The following ARHGEF10 variants were observed in gnomAD, a reference collection of about 807,000 sequenced individuals.
ARHGEF10 encodes the protein Rho guanine nucleotide exchange factor 10.
A neutral mutation model predicts 147.4 loss-of-function variants in ARHGEF10; 140 were observed. The observed-to-expected ratio is 0.95, with a 90% CI of 0.83 to 1.09. ARHGEF10 has a LOEUF of 1.09. Ranked by LOEUF, ARHGEF10 falls within the 50% of genes least tolerant of loss-of-function variation. The probability of loss-of-function intolerance (pLI) is 0.00; values close to 1 mark genes in which losing one functional copy is unlikely to be tolerated. For missense variants in ARHGEF10, 2,222 were observed against 1,752.7 expected (o/e 1.27, Z -4.78); for synonymous variants, 902 against 695.8 (o/e 1.30, Z -4.67).
intron 2 of ARHGEF10, among the ~76,000 whole-genome samples, chr8:1,854,063 ACCC>A (rs1391435081): frequency 6.6e-6 from 1 of 152,100 alleles, no homozygotes; most frequent in Non-Finnish European, 1.5e-5. Context: ...TAAACTTAGG[ACCC>A]CAAATGCTGG....
chr8:1,956,603 C>T (rs1162618704), intron 28 of ARHGEF10, 146 bp from the exon 29 acceptor site: 1 of 764,838 alleles, frequency 1.3e-6, no homozygotes. Context: ...TTCATCGTAG[C>T]TTATTATTCA....
At chr8:1,887,769 G>GTATT in intron 11 of ARHGEF10, among the ~76,000 whole-genome samples, 1 of 92,332 alleles carries the variant, frequency 1.1e-5, no homozygotes, top group Non-Finnish European at 2.4e-5. Flanking sequence ...AGTGGGGTGA[G>GTATT]GGTTGTGATG....
chr8:1,946,144 C>A (rs1206636298), intron 27 of ARHGEF10, among the ~76,000 whole-genome samples: 1 of 152,140 alleles, frequency 6.6e-6, no homozygotes, highest in Non-Finnish European at 1.5e-5. Context: ...GGCCATTACA[C>A]ATTGAGTTTT....
intron 5 of ARHGEF10, 104 bp from the exon 6 acceptor site, chr8:1,866,422 G>GAC (rs57422654): frequency 2.3e-3 from 1,803 of 782,358 alleles, no homozygotes; most frequent in Middle Eastern, 5.1e-3. Flanking sequence ...TATATATTCT[G>GAC]ACACACACAC....
chr8:1,953,843 A>C (rs983778849), intron 28 of ARHGEF10, among the ~76,000 whole-genome samples: 2 of 152,138 alleles, frequency 1.3e-5, no homozygotes, highest in Admixed American at 6.5e-5. Context: ...GCCAGGGGGA[A>C]ATACTAACAG....
intron 26 of ARHGEF10, among the ~76,000 whole-genome samples, chr8:1,940,165 GCT>G (rs1247863272): frequency 6.6e-6 from 1 of 152,150 alleles, no homozygotes; most frequent in Non-Finnish European, 1.5e-5. Flanking sequence ...AAGAAGCTTT[GCT>G]CCTCTATAGT....
chr8:1,884,398 G>GA (rs71528660), intron 10 of ARHGEF10, among the ~76,000 whole-genome samples: 45 of 137,804 alleles, frequency 3.3e-4, no homozygotes, highest in Admixed American at 4.3e-4. Flanking sequence ...TCCATCTCAA[G>GA]AAAAAAAAAA....
intron 1 of ARHGEF10, among the ~76,000 whole-genome samples, chr8:1,833,954 C>T (rs979553248): frequency 6.6e-6 from 1 of 152,124 alleles, no homozygotes; most frequent in East Asian, 1.9e-4. Context: ...AATGACCACT[C>T]CTGCTCGGGG....
rs1157425782 is a variant in ARHGEF10, at chr8:1,839,887, TGGTGTGGGGACTGTCC to T, written c.-47-3434_-47-3419del. Among the ~76,000 whole-genome samples, 68 of 126,498 alleles carry T rather than the reference TGGTGTGGGGACTGTCC, an allele frequency of 5.4e-4. No individual in the cohort carries two copies. In the East Asian group the frequency reaches 0.013, roughly 24 times the overall value. The allele number at this position is 126,498 out of a possible 152,430, so 83.0% of individuals were successfully genotyped here. A position where few individuals can be genotyped will look rare whatever the true frequency, so the allele number is the denominator to read the frequency against. On this transcript the variant is annotated intron_variant, in intron 1 of 28. Transcript: ENST00000349830. The stretch of plus-strand genomic sequence containing the variant: ...GGGACTGTCTGGTGTGGAAACTGTC[TGGTGTGGGGACTGTCC>T]GGTGTGGGGACTGTCCGGTGTGGGG...
intron 27 of ARHGEF10, chr8:1,946,037 T>C (rs914968090): frequency 1.9e-5 from 7 of 370,806 alleles, no homozygotes; most frequent in Non-Finnish European, 3.1e-5. Context: ...GGCCTCCCTT[T>C]GGCTGGGAGG....
At chr8:1,867,760 C>T (rs542870876) in intron 6 of ARHGEF10, among the ~76,000 whole-genome samples, 133 of 152,256 alleles carry the variant, frequency 8.7e-4, no homozygotes, top group African/African-American at 3.0e-3. Flanking sequence ...TCTCATTATC[C>T]ACTGGCTCAC....
At chr8:1,866,643 C>T in intron 6 of ARHGEF10, 41 bp downstream of exon 6, 1 of 1,580,550 alleles carries the variant, frequency 6.3e-7, no homozygotes, top group South Asian at 1.1e-5. Flanking sequence ...CCTCACCACG[C>T]TCCACAGACG....
At chr8:1,950,381 A>G (rs17064417) in intron 27 of ARHGEF10, among the ~76,000 whole-genome samples, 5,778 of 152,306 alleles carry the variant, frequency 0.038, 143 homozygotes, top group African/African-American at 0.06. Context: ...GTAAAATTAA[A>G]GATGTTGATT....
chr8:1,887,809 A>C (rs1489531695), intron 11 of ARHGEF10, among the ~76,000 whole-genome samples: 1 of 122,166 alleles, frequency 8.2e-6, no homozygotes, highest in Non-Finnish European at 1.7e-5. Context: ...GGTTGTGGGG[A>C]GATGCTGAGG....
chr8:1,876,465 C>T, intron 7 of ARHGEF10, 106 bp from the exon 8 acceptor site: 1 of 1,203,528 alleles, frequency 8.3e-7, no homozygotes. Flanking sequence ...ATTCAGATTT[C>T]CTTCCACCCC....
intron 8 of ARHGEF10, 132 bp downstream of exon 8, chr8:1,876,866 C>T: frequency 9.8e-7 from 1 of 1,022,264 alleles, no homozygotes; most frequent in Non-Finnish European, 1.5e-6. Context: ...TTGGGGAAAG[C>T]ATAAGATATT....
rs779422369 is a variant in ARHGEF10, at chr8:1,923,523, T to C, written c.2315T>C (p.Leu772Ser). 8.1e-6 allele frequency: 13 copies of C among 1,613,998 alleles called. No individual in the cohort carries two copies. Among genetic ancestry groups the C allele is most frequent in the Non-Finnish European group, 8.5e-6 (10 of 1,180,056 alleles). The change falls in exon 20 of 29, where the codon TTG becomes TCG. Residue 772 changes from leucine (L) to serine (S), a missense_variant. Leu to Ser is a moderately radical substitution (Grantham distance 145). Coordinates refer to ENST00000349830, the MANE Select transcript of ARHGEF10 (RefSeq NM_014629.4). ...DWTSGLQRLI[L>S]KKEDEIRAAD... The stretch of plus-strand genomic sequence containing the variant: ...ACATCAGGTTTACAAAGGCTTATTT[T>C]GAAGAAAGAAGATGAAATCAGAGCT...
At chr8:1,891,653 C>T (rs963311689) in intron 11 of ARHGEF10, among the ~76,000 whole-genome samples, 1 of 152,096 alleles carries the variant, frequency 6.6e-6, no homozygotes, top group African/African-American at 2.4e-5. Flanking sequence ...ATGCCAGGGA[C>T]CCTCCCTGTG....
chr8:1,830,030 T>C (rs1802995083), intron 1 of ARHGEF10, among the ~76,000 whole-genome samples: 1 of 152,196 alleles, frequency 6.6e-6, no homozygotes, highest in Admixed American at 6.5e-5. Flanking sequence ...CGAAGTGCTC[T>C]CTGCCAGCCG....
Sources: gnomAD v4.1 joint callset for allele counts (sites outside exome capture counted in the v4.1 genomes callset) on GRCh38, gnomAD v4.1.1 for gene constraint, MANE v1.5 for transcripts, NCBI Gene and HGNC (gene_info 2026-07-23, HGNC 2026-07-21) for gene names.